Variants in ATP2C2 observed in about 807,000 individuals in gnomAD.
The protein encoded by ATP2C2 is ATPase secretory pathway Ca2+ transporting 2, also known as calcium-transporting ATPase type 2C member 2.
ATP2C2 carries 171 observed loss-of-function variants against 110.8 expected under a neutral mutation model. That is an observed-to-expected ratio of 1.54 (90% CI 1.36 to 1.75). The LOEUF (loss-of-function observed/expected upper bound fraction) is 1.75. Ranked by LOEUF, ATP2C2 falls within the 40% of genes most tolerant of loss-of-function variation. The pLI is 0.00. For synonymous variants in ATP2C2, 804 were observed against 508.4 expected (o/e 1.58, Z -7.82); for missense variants, 1,963 against 1,235.0 (o/e 1.59, Z -8.84).
chr16:84,395,778 G>A (rs1904934787), intron 1 of ATP2C2, among the ~76,000 whole-genome samples: 1 of 151,406 alleles, frequency 6.6e-6, no homozygotes, highest in South Asian at 2.1e-4. Flanking sequence ...GGGATTATAG[G>A]TATGAGCCAC....
intron 21 of ATP2C2, among the ~76,000 whole-genome samples, chr16:84,458,495 T>TA (rs10534660): frequency 0.01 from 1,446 of 141,978 alleles, 23 homozygotes; most frequent in African/African-American, 0.033. Flanking sequence ...TAGAGTATAA[T>TA]AAAAAAAAAA....
chr16:84,440,799 A>C, intron 13 of ATP2C2, 58 bp from the exon 14 acceptor site: 3 of 1,370,040 alleles, frequency 2.2e-6, no homozygotes, highest in Non-Finnish European at 3.1e-6. Context: ...TTGTGGGCCA[A>C]CTGGGGGAGC....
chr16:84,395,819 T>C (rs1010696030), intron 1 of ATP2C2, among the ~76,000 whole-genome samples: 4 of 152,184 alleles, frequency 2.6e-5, no homozygotes, highest in African/African-American at 9.7e-5. Flanking sequence ...TGGATTTTTA[T>C]TGTGGTAAAA....
At chr16:84,374,069 C>T (rs752730173) in intron 1 of ATP2C2, among the ~76,000 whole-genome samples, 8 of 152,088 alleles carry the variant, frequency 5.3e-5, no homozygotes, top group Non-Finnish European at 1.0e-4. Flanking sequence ...TAGTGTTGGG[C>T]GTTGTTGAAA....
intron 11 of ATP2C2, among the ~76,000 whole-genome samples, chr16:84,438,378 A>G (rs1256498380): frequency 6.6e-6 from 1 of 152,196 alleles, no homozygotes; most frequent in African/African-American, 2.4e-5. Flanking sequence ...ATGTGGGGCC[A>G]GTCAGCCCCG....
chr16:84,375,556 AG>A (rs1910204991), intron 1 of ATP2C2, among the ~76,000 whole-genome samples: 3 of 150,076 alleles, frequency 2.0e-5, no homozygotes, highest in Admixed American at 1.3e-4. Context: ...AAAAAAAAAA[AG>A]AAAGAAAGAA....
chr16:84,443,805 G>A (rs141807498), intron 15 of ATP2C2, among the ~76,000 whole-genome samples: 1,525 of 152,224 alleles, frequency 0.01, 16 homozygotes, highest in Non-Finnish European at 0.016. Context: ...GTGCTGGGCG[G>A]GGGAGAGGTG....
intron 21 of ATP2C2, among the ~76,000 whole-genome samples, chr16:84,456,256 C>G (rs1210583778): frequency 7.5e-6 from 1 of 133,516 alleles, no homozygotes; most frequent in East Asian, 2.0e-4. Flanking sequence ...TCCATCTGGT[C>G]CTGGACTCTT....
At chr16:84,379,404 G>T (rs1453110331) in intron 1 of ATP2C2, among the ~76,000 whole-genome samples, 1 of 152,208 alleles carries the variant, frequency 6.6e-6, no homozygotes, top group Non-Finnish European at 1.5e-5. Context: ...GGGCTCAAGA[G>T]ATCTGTCCAC....
chr16:84,436,187 A>G (rs1208844814), intron 11 of ATP2C2, among the ~76,000 whole-genome samples: 1 of 152,232 alleles, frequency 6.6e-6, no homozygotes, highest in Non-Finnish European at 1.5e-5. Flanking sequence ...TTTGAACTGT[A>G]TCTTTTTCAT....
At position 84,453,062 on chromosome 16, in the gene ATP2C2, T is replaced by TGGCCGAGGTGG; in HGVS notation, c.1832-70_1832-60dup. The TGGCCGAGGTGG allele has an allele frequency of 2.1e-6, 3 of 1,442,214 alleles. No individual in the cohort carries two copies. The South Asian group carries it at 3.7e-5, about 18-fold the overall frequency. The allele number at this position is 1,442,214 out of a possible 1,614,324, so 89.3% of individuals were successfully genotyped here. A position where few individuals can be genotyped will look rare whatever the true frequency, so the allele number is the denominator to read the frequency against. ...ATGGTTTTATTCTTGGTGTTCCCCATGGCCGAGGTGGGGCCGGGAGTGAGG... is the reference window on the plus strand; with the variant it reads ...ATGGTTTTATTCTTGGTGTTCCCCATGGCCGAGGTGGGGCCGAGGTGGGGCCGGGAGTGAGG... On this transcript the variant is annotated intron_variant, in intron 18 of 26. Coordinates refer to ENST00000262429, the MANE Select transcript of ATP2C2 (RefSeq NM_014861.4).
At chr16:84,370,059 T>G (rs1262409501) in intron 1 of ATP2C2, among the ~76,000 whole-genome samples, 3 of 152,374 alleles carry the variant, frequency 2.0e-5, no homozygotes, top group East Asian at 3.9e-4. Context: ...TTTTGATTCT[T>G]GCATCAGGCC....
At chr16:84,461,134 C>G (rs896162104) in intron 24 of ATP2C2, 1 of 330,804 alleles carries the variant, frequency 3.0e-6, no homozygotes, top group Admixed American at 4.4e-5. Flanking sequence ...TGCTAAATAT[C>G]CTCCTGTGTT....
At chr16:84,458,577 G>C (rs530724262) in intron 21 of ATP2C2, among the ~76,000 whole-genome samples, 2 of 152,030 alleles carry the variant, frequency 1.3e-5, no homozygotes, top group Non-Finnish European at 2.9e-5. Context: ...AAAATCTGGC[G>C]GTGGGGGCAC....
At chr16:84,405,102 A>G (rs1205531464) in intron 2 of ATP2C2, 26 bp from the exon 3 acceptor site, 1 of 1,593,810 alleles carries the variant, frequency 6.3e-7, no homozygotes, top group Non-Finnish European at 8.6e-7. Context: ...CCCATGAGTG[A>G]GCTTGTGCCT....
chr16:84,393,973 T>C (rs1388793311), intron 1 of ATP2C2, among the ~76,000 whole-genome samples: 1 of 144,424 alleles, frequency 6.9e-6, no homozygotes, highest in African/African-American at 2.7e-5. Flanking sequence ...CTGGGCAACA[T>C]GGCAAAACCT....
chr16:84,419,308 A>C (rs931724802), intron 7 of ATP2C2, among the ~76,000 whole-genome samples: 1 of 149,382 alleles, frequency 6.7e-6, no homozygotes, highest in Non-Finnish European at 1.5e-5. Context: ...CCCAGCTTCT[A>C]GAAGCCGCCT....
At chr16:84,412,097 C>T (rs1419987559) in intron 6 of ATP2C2, among the ~76,000 whole-genome samples, 1 of 152,012 alleles carries the variant, frequency 6.6e-6, no homozygotes, top group African/African-American at 2.4e-5. Flanking sequence ...GCAACCTGTG[C>T]CTGCCTCCAG....
chr16:84,373,290 A>C (rs1023229601), intron 1 of ATP2C2, among the ~76,000 whole-genome samples: 1 of 152,212 alleles, frequency 6.6e-6, no homozygotes, highest in African/African-American at 2.4e-5. Context: ...ACCTGAGGTT[A>C]CGAGTTCGAG....
Sources: allele counts gnomAD v4.1 joint callset (sites outside exome capture counted in the v4.1 genomes callset), GRCh38; gene constraint gnomAD v4.1.1; transcripts MANE v1.5; gene names NCBI Gene and HGNC (gene_info 2026-07-23, HGNC 2026-07-21).